The following CDH20 variants were observed in gnomAD, a reference collection of about 807,000 sequenced individuals.
CDH20 encodes cadherin-20.
A neutral mutation model predicts 74.2 loss-of-function variants in CDH20; 29 were observed. That is an observed-to-expected ratio of 0.39 (90% CI 0.29 to 0.53). The LOEUF is 0.53. CDH20 is among the 20% of genes least tolerant of loss of function. The pLI is 0.69. For synonymous variants in CDH20, 469 were observed against 405.4 expected, an observed-to-expected ratio of 1.16 and a Z score of -1.88; for missense variants, 988 against 1,048.3, an observed-to-expected ratio of 0.94 and a Z score of 0.79.
chr18:61,383,305 G>T (rs1030555724), intron 1 of CDH20, among the ~76,000 whole-genome samples: 4 of 152,142 alleles, frequency 2.6e-5, no homozygotes, highest in Non-Finnish European at 5.9e-5. Context: ...TTCTGGCCAG[G>T]CGTGGTGGCT....
rs979419436 is a variant in CDH20 at position 61,370,143 on chromosome 18, C to T, written c.-153+36316C>T. On this transcript the variant is annotated intron_variant, in intron 1 of 11. Transcript: ENST00000262717. The stretch of plus-strand genomic sequence containing the variant: ...TTGTGACTAAAAATTGCTGCTCTCA[C>T]GAAGAGAGTTAAAACTTCATGGGGT... 5.9e-5 allele frequency among the ~76,000 whole-genome samples: 9 copies of T among 152,200 alleles called. No individual in the cohort carries two copies. The East Asian group carries it at 9.6e-4, about 16-fold the overall frequency.
intron 1 of CDH20, among the ~76,000 whole-genome samples, chr18:61,437,417 C>T (rs17068306): frequency 0.026 from 3,888 of 152,114 alleles, 152 homozygotes; most frequent in East Asian, 0.17. Context: ...ATATTATTGG[C>T]CCTGTGTGCT....
intron 1 of CDH20, among the ~76,000 whole-genome samples, chr18:61,482,405 C>A (rs895200930): frequency 6.6e-6 from 1 of 152,148 alleles, no homozygotes; most frequent in African/African-American, 2.4e-5. Context: ...TCCAGTTAGT[C>A]TGCAAGTGTT....
Position 61,554,562 on chromosome 18 carries a change from G to T in CDH20, c.2273G>T (p.Gly758Val). The T allele has an allele frequency of 6.2e-7, 1 of 1,610,906 alleles. No homozygotes were observed. ...YMFEGDGSVA[G>V]SLSSLQSATS... Reference sequence around the variant, plus strand: ...TTCGAGGGGGACGGCTCTGTGGCGGGGTCGCTGAGCTCCCTGCAGTCGGCC... The same window carrying T: ...TTCGAGGGGGACGGCTCTGTGGCGGTGTCGCTGAGCTCCCTGCAGTCGGCC... Residue 758 changes from glycine (G) to valine (V), a missense_variant, in exon 12 of 12, where the codon GGG becomes GTG. Gly to Val is a moderately radical substitution (Grantham distance 109, BLOSUM62 -3). This residue lies in a region of CDH20 where 375 missense variants were observed against 293.1 expected (regional missense o/e 1.28). Coordinates refer to ENST00000262717, the MANE Select transcript of CDH20 (RefSeq NM_031891.4).
intron 5 of CDH20, among the ~76,000 whole-genome samples, chr18:61,506,745 A>G (rs2144329187): frequency 6.6e-6 from 1 of 152,326 alleles, no homozygotes; most frequent in Middle Eastern, 3.4e-3. Flanking sequence ...TTCTGGAATA[A>G]GAAAACAAGA....
At chr18:61,371,379 C>T (rs189841175) in intron 1 of CDH20, among the ~76,000 whole-genome samples, 1 of 152,072 alleles carries the variant, frequency 6.6e-6, no homozygotes, top group East Asian at 1.9e-4. Context: ...GTTATAGGTG[C>T]TGTATAGTGA....
At chr18:61,383,163 T>TTA (rs1313229220) in intron 1 of CDH20, among the ~76,000 whole-genome samples, 1 of 152,234 alleles carries the variant, frequency 6.6e-6, no homozygotes, top group Non-Finnish European at 1.5e-5. Flanking sequence ...ACTTATATTA[T>TTA]TATAGCACAG....
chr18:61,508,606 T>C (rs187020526), intron 6 of CDH20, among the ~76,000 whole-genome samples: 59 of 152,150 alleles, frequency 3.9e-4, no homozygotes, highest in African/African-American at 1.3e-3. Context: ...TTCAGTGACC[T>C]GGATGAGATT....
At chr18:61,508,575 A>G (rs554697661) in intron 6 of CDH20, among the ~76,000 whole-genome samples, 41 of 152,298 alleles carry the variant, frequency 2.7e-4, no homozygotes, top group African/African-American at 9.1e-4. Flanking sequence ...CAGCCATAAA[A>G]AGGAATGGAC....
At chr18:61,429,883 T>A (rs909581522) in intron 1 of CDH20, among the ~76,000 whole-genome samples, 1 of 152,182 alleles carries the variant, frequency 6.6e-6, no homozygotes, top group Non-Finnish European at 1.5e-5. Context: ...ACAAACTATG[T>A]TCCTTTGTAG....
intron 1 of CDH20, among the ~76,000 whole-genome samples, chr18:61,411,091 T>C (rs565693301): frequency 2.0e-5 from 3 of 151,722 alleles, no homozygotes; most frequent in East Asian, 3.9e-4. Flanking sequence ...TCCCAGCTAC[T>C]CGGGGGGCTG....
At chr18:61,505,488 AC>A (rs1318176051) in intron 5 of CDH20, among the ~76,000 whole-genome samples, 1 of 151,980 alleles carries the variant, frequency 6.6e-6, no homozygotes, top group Non-Finnish European at 1.5e-5. Context: ...GGTGCACACC[AC>A]CATGCCCAGC....
At chr18:61,552,926 G>A (rs573828241) in intron 11 of CDH20, among the ~76,000 whole-genome samples, 2 of 152,220 alleles carry the variant, frequency 1.3e-5, no homozygotes, top group East Asian at 3.9e-4. Context: ...AGTCCTATTA[G>A]TCTCTTTTTC....
In CDH20 at chr18:61,554,639, T is replaced by G; in HGVS notation, c.2350T>G (p.Phe784Val). The G allele has an allele frequency of 6.2e-7, 1 of 1,601,262 alleles. No individual in the cohort carries two copies. Among genetic ancestry groups the G allele is most frequent in the African/African-American group, 1.3e-5 (1 of 74,912 alleles). The change falls in exon 12 of 12, where the codon TTC (phenylalanine) becomes GTC (valine). Residue 784 changes from phenylalanine (F) to valine (V), a missense_variant. Physicochemically the swap from Phe to Val is conservative, Grantham distance 50. Transcript: ENST00000262717. Reference protein sequence around the residue: ...FDFLTDWGPRFRKLAELYGAS... With the variant: ...FDFLTDWGPRVRKLAELYGAS... ...CTTCCTGACGGACTGGGGGCCCCGC[T>G]TCCGGAAGCTGGCCGAGCTCTACGG...
chr18:61,394,881 GC>G (rs1299787917), intron 1 of CDH20, among the ~76,000 whole-genome samples: 1 of 151,686 alleles, frequency 6.6e-6, no homozygotes, highest in African/African-American at 2.4e-5. Context: ...CCACCCTCCT[GC>G]TTGGCCTTGG....
chr18:61,394,506 T>C (rs2044585330), intron 1 of CDH20, among the ~76,000 whole-genome samples: 1 of 152,144 alleles, frequency 6.6e-6, no homozygotes, highest in South Asian at 2.1e-4. Context: ...CCCCAAGGCA[T>C]GCCAGTGATC....
At chr18:61,436,961 A>G (rs770108058) in intron 1 of CDH20, among the ~76,000 whole-genome samples, 2 of 152,178 alleles carry the variant, frequency 1.3e-5, no homozygotes, top group Non-Finnish European at 2.9e-5. Context: ...GTGTAAATGA[A>G]GAATAAAAAA....
chr18:61,465,939 A>G (rs1909946688), intron 1 of CDH20, among the ~76,000 whole-genome samples: 1 of 152,084 alleles, frequency 6.6e-6, no homozygotes, highest in South Asian at 2.1e-4. Flanking sequence ...ATAGGCCCGT[A>G]GTCTCAGCTA....
intron 1 of CDH20, among the ~76,000 whole-genome samples, chr18:61,392,491 G>A (rs1280461483): frequency 6.6e-6 from 1 of 152,154 alleles, no homozygotes; most frequent in East Asian, 1.9e-4. Flanking sequence ...ACAGGCTGTA[G>A]TCTCACAGCT....
Sources: gnomAD v4.1 joint callset for allele counts (sites outside exome capture counted in the v4.1 genomes callset) on GRCh38, gnomAD v4.1.1 for gene constraint, gnomAD v4.1.1 regional missense constraint, MANE v1.5 for transcripts, NCBI Gene and HGNC (gene_info 2026-07-23, HGNC 2026-07-21) for gene names.